The following ZFP64 variants were observed in gnomAD, a reference collection of about 807,000 sequenced individuals.
The protein encoded by ZFP64 is ZFP64 zinc finger protein, also known as zinc finger protein 64.
In ZFP64, 14 loss-of-function variants were observed where a neutral mutation model predicts 51.6. The ratio of observed to expected loss-of-function variants is 0.27; its 90% confidence interval spans 0.18 to 0.42. ZFP64 has a LOEUF of 0.42. Ranked by LOEUF, ZFP64 falls within the 10% of genes least tolerant of loss-of-function variation. The pLI, the probability that ZFP64 is intolerant of heterozygous loss-of-function variation, is 1.00. For missense variants in ZFP64, 754 were observed against 906.8 expected, an observed-to-expected ratio of 0.83 and a Z score of 2.16; for synonymous variants, 375 against 361.4, an observed-to-expected ratio of 1.04 and a Z score of -0.43.
chr20:52,101,859 C>G (rs958799439), intron 5 of ZFP64, among the ~76,000 whole-genome samples: 3 of 149,292 alleles, frequency 2.0e-5, no homozygotes, highest in Non-Finnish European at 3.0e-5. Context: ...TGGCTCATGC[C>G]TGTAATCCTA....
chr20:52,104,774 C>A, intron 5 of ZFP64: 1 of 565,540 alleles, frequency 1.8e-6, no homozygotes, highest in East Asian at 4.5e-5. Context: ...CTTCCAGGCG[C>A]GCAGCCGAAG....
chr20:52,184,501 T>A (rs1983824070), intron 2 of ZFP64, among the ~76,000 whole-genome samples: 1 of 152,222 alleles, frequency 6.6e-6, no homozygotes, highest in Admixed American at 6.5e-5. Flanking sequence ...TATGTAGGCA[T>A]ATGTATTTTT....
chr20:52,186,010 C>T (rs746821023), intron 2 of ZFP64, among the ~76,000 whole-genome samples: 18 of 152,118 alleles, frequency 1.2e-4, no homozygotes, highest in Admixed American at 5.9e-4. Flanking sequence ...CATTTTACTT[C>T]GGAAAAAGTA....
At chr20:52,138,050 TAAA>T (rs1568671726) in intron 5 of ZFP64, among the ~76,000 whole-genome samples, 2,261 of 124,740 alleles carry the variant, frequency 0.018, 81 homozygotes, top group African/African-American at 0.059. Context: ...AATAAATAAA[TAAA>T]TAAGCAAGCC....
rs1984365097 is a variant in ZFP64, at chr20:52,191,474, C to T, written c.46+117G>A. The T allele has an allele frequency of 3.2e-6, 4 of 1,257,966 alleles. No individual in the cohort carries two copies. Among genetic ancestry groups the T allele is most frequent in the African/African-American group, 3.2e-5 (2 of 63,024 alleles). 77.9% of individuals were successfully genotyped at this position (1,257,966 alleles called of 1,614,324 possible). A position where few individuals can be genotyped will look rare whatever the true frequency, so the allele number is the denominator to read the frequency against. On this transcript the variant is annotated intron_variant, in intron 1 of 5. Transcript: ENST00000216923. The surrounding 1 kb of genome is among the most constrained non-coding windows in gnomAD (Gnocchi z 4.3). ...CGGTCCCCGAGACGCGGCTCCGAGC[C>T]GTCACCCCGATTTCGGGGCCCCGGG...
intron 3 of ZFP64, chr20:52,165,605 T>A (rs972933970): frequency 4.6e-6 from 3 of 647,494 alleles, no homozygotes; most frequent in Middle Eastern, 5.2e-4. Context: ...AGGAAAAAAA[T>A]TTATAGCAAC....
intron 5 of ZFP64, among the ~76,000 whole-genome samples, chr20:52,158,579 G>T (rs1406001153): frequency 6.6e-6 from 1 of 152,082 alleles, no homozygotes; most frequent in Non-Finnish European, 1.5e-5. Context: ...GGCAGTGTGA[G>T]CCTGTAATCC....
intron 2 of ZFP64, among the ~76,000 whole-genome samples, chr20:52,167,402 T>C (rs1291716977): frequency 6.6e-6 from 1 of 152,032 alleles, no homozygotes; most frequent in Non-Finnish European, 1.5e-5. Context: ...GTCTCAAATT[T>C]TTTTGTTGTA....
chr20:52,109,776 AC>A (rs1302665809), intron 5 of ZFP64, among the ~76,000 whole-genome samples: 1 of 115,038 alleles, frequency 8.7e-6, no homozygotes, highest in East Asian at 2.5e-4. Context: ...GCGAAATTCC[AC>A]CTCAAAAAAA....
chr20:52,109,250 G>A (rs1395315491), intron 5 of ZFP64, among the ~76,000 whole-genome samples: 7 of 151,784 alleles, frequency 4.6e-5, no homozygotes, highest in Admixed American at 2.0e-4. Context: ...TGCAAGCTCC[G>A]CCTCCCGGGT....
intron 5 of ZFP64, among the ~76,000 whole-genome samples, chr20:52,136,457 T>A (rs1979987386): frequency 6.6e-6 from 1 of 152,052 alleles, no homozygotes; most frequent in Non-Finnish European, 1.5e-5. Context: ...TCAGAAAAAA[T>A]TAAAATAATT....
rs34646115 is a variant in ZFP64 at position 52,102,107 on chromosome 20, C to CAAAAAAAAA, written c.764-3529_764-3521dup. On this transcript the variant is annotated intron_variant, in intron 5 of 8. Transcript: ENST00000361387. ...AGCCTGGTGAGAGTAACTCCATCTC[C>CAAAAAAAAA]AAAAAAAAAAAAAAAAAAGGCAGCA... 1.6e-3 allele frequency among the ~76,000 whole-genome samples: 100 copies of CAAAAAAAAA among 63,354 alleles called. 2 individuals are homozygous for CAAAAAAAAA. The highest frequency in any genetic ancestry group is 2.4e-3 in the Non-Finnish European group (78 of 32,630). 41.6% of individuals were successfully genotyped at this position (63,354 alleles called of 152,430 possible). A position where few individuals can be genotyped will look rare whatever the true frequency, so the allele number is the denominator to read the frequency against.
intron 7 of ZFP64, among the ~76,000 whole-genome samples, chr20:52,090,398 C>T (rs1410438464): frequency 1.3e-5 from 2 of 151,536 alleles, no homozygotes; most frequent in African/African-American, 2.4e-5. Context: ...AAACACTGTA[C>T]ACCAGAAAAA....
intron 5 of ZFP64, among the ~76,000 whole-genome samples, chr20:52,140,069 C>T (rs887774026): frequency 1.3e-5 from 2 of 151,962 alleles, no homozygotes; most frequent in Non-Finnish European, 2.9e-5. Context: ...CTGCCATGAA[C>T]CATGTCCATA....
intron 8 of ZFP64, among the ~76,000 whole-genome samples, chr20:52,087,452 T>C (rs1159828012): frequency 6.6e-6 from 1 of 152,246 alleles, no homozygotes; most frequent in Non-Finnish European, 1.5e-5. Context: ...CATAGGTCTC[T>C]ATTTGGATGC....
chr20:52,188,801 T>C (rs1172538733), intron 1 of ZFP64, among the ~76,000 whole-genome samples: 1 of 151,608 alleles, frequency 6.6e-6, no homozygotes, highest in East Asian at 2.0e-4. Flanking sequence ...TGAAACCCCA[T>C]CTCTACTAAA....
At chr20:52,117,290 G>A (rs1978925385) in intron 5 of ZFP64, among the ~76,000 whole-genome samples, 1 of 151,962 alleles carries the variant, frequency 6.6e-6, no homozygotes, top group Non-Finnish European at 1.5e-5. Flanking sequence ...TGTTACCTTT[G>A]AGACACACTG....
At position 52,151,937 on chromosome 20, in the gene ZFP64, T is replaced by C. The variant is rs3179313; in HGVS notation, c.*209A>G. On this transcript the variant is annotated 3_prime_UTR_variant, in exon 6 of 6. Transcript: ENST00000216923. ...CTGTGGTCCCAGCTACTCGGAGGGCTGAGGCATGAGAATCGCTTGAACCTG... is the reference window on the plus strand; with the variant it reads ...CTGTGGTCCCAGCTACTCGGAGGGCCGAGGCATGAGAATCGCTTGAACCTG... 456,470 of 1,172,114 alleles carry C rather than the reference T, an allele frequency of 0.39. 93,038 individuals carry two copies. Among genetic ancestry groups the C allele is most frequent in the Non-Finnish European group, 0.41 (361,697 of 876,582 alleles). The allele number at this position is 1,172,114 out of a possible 1,614,324, so 72.6% of individuals were successfully genotyped here.
At chr20:52,096,272 C>T (rs577643864) in intron 7 of ZFP64, among the ~76,000 whole-genome samples, 12 of 152,304 alleles carry the variant, frequency 7.9e-5, no homozygotes, top group African/African-American at 2.6e-4. Context: ...GTCACAAGGG[C>T]CGCTGCTTCT....
Sources: allele counts gnomAD v4.1 joint callset (sites outside exome capture counted in the v4.1 genomes callset), GRCh38; gene constraint gnomAD v4.1.1; non-coding constraint Gnocchi (gnomAD v3.1); transcripts MANE v1.5; gene names NCBI Gene and HGNC (gene_info 2026-07-23, HGNC 2026-07-21).